RFC1: variants seen among roughly 807,000 people sequenced by gnomAD.
RFC1 encodes replication factor C subunit 1, also known as A1 140 kDa subunit.
In RFC1, 37 loss-of-function variants were observed where a neutral mutation model predicts 137.4. That is an observed-to-expected ratio of 0.27 (90% confidence interval 0.21 to 0.35). RFC1 has a LOEUF of 0.35. RFC1 is among the 10% of genes least tolerant of loss of function. The pLI, the probability that RFC1 is intolerant of heterozygous loss-of-function variation, is 1.00. For missense variants in RFC1, 1,205 were observed against 1,358.5 expected (o/e 0.89, Z 1.78); for synonymous variants, 429 against 455.7 (o/e 0.94, Z 0.75).
At chr4:39,365,327 A>G in intron 1 of RFC1, 21 of 230,386 alleles carry the variant, frequency 9.1e-5, no homozygotes, top group South Asian at 3.7e-4. Flanking sequence ...CCCCCCCCAG[A>G]ATGTTGTCAC....
At chr4:39,349,580 C>T (rs1741081349) in intron 2 of RFC1, among the ~76,000 whole-genome samples, 1 of 152,170 alleles carries the variant, frequency 6.6e-6, no homozygotes, top group African/African-American at 2.4e-5. Flanking sequence ...TCAGCCAGTA[C>T]CATCTATTTT....
chr4:39,304,508 T>C (rs1738531473), intron 15 of RFC1, among the ~76,000 whole-genome samples: 1 of 152,236 alleles, frequency 6.6e-6, no homozygotes, highest in African/African-American at 2.4e-5. Context: ...TAAGTCACAC[T>C]GCATTACACA....
In RFC1 at chr4:39,320,507, C is replaced by T. The variant is rs1181661083; in HGVS notation, c.971G>A (p.Arg324Lys). 1.2e-6 allele frequency: 2 copies of T among 1,611,302 alleles called. No homozygotes were observed. Among genetic ancestry groups the T allele is most frequent in the East Asian group, 4.5e-5 (2 of 44,828 alleles). Residue 324 changes from arginine (R) to lysine (K), a missense_variant, in exon 9 of 25, where the codon AGA becomes AAA. Coordinates refer to ENST00000349703, the MANE Select transcript of RFC1 (RefSeq NM_002913.5). ...KASSKLAIMK[R>K]KEESSYKEIE... ...TTCTTTATAAGAGCTCTCTTCTTTTCTTTTCATAATTGCCAGCTTAGAACT... is the reference window on the plus strand; with the variant it reads ...TTCTTTATAAGAGCTCTCTTCTTTTTTTTTCATAATTGCCAGCTTAGAACT...
intron 4 of RFC1, among the ~76,000 whole-genome samples, chr4:39,334,109 C>G (rs921573309): frequency 3.9e-5 from 6 of 151,934 alleles, no homozygotes; most frequent in African/African-American, 1.5e-4. Context: ...TTAGTGCCCC[C>G]TGATTTGCCA....
chr4:39,357,390 C>T (rs966380602), intron 1 of RFC1, among the ~76,000 whole-genome samples: 1 of 152,118 alleles, frequency 6.6e-6, no homozygotes, highest in African/African-American at 2.4e-5. Context: ...CAGAAGTTTC[C>T]AGGTACCTGA....
At chr4:39,313,099 G>C (rs1739050847) in intron 10 of RFC1, among the ~76,000 whole-genome samples, 168 bp from the exon 11 acceptor site, 1 of 152,190 alleles carries the variant, frequency 6.6e-6, no homozygotes, top group Admixed American at 6.5e-5. Flanking sequence ...CCTGAAATTA[G>C]ATCCTAAGAA....
intron 5 of RFC1, 139 bp from the exon 6 acceptor site, chr4:39,326,779 C>A: frequency 1.6e-6 from 1 of 624,456 alleles, no homozygotes. Context: ...GTACACCAGC[C>A]AGAAAGTCAA....
chr4:39,303,152 C>G lies in RFC1; in HGVS notation c.2111-1G>C, dbSNP rs533164456. The G allele has an allele frequency of 1.5e-4, 235 of 1,610,284 alleles. 4 individuals carry two copies. In the South Asian group the frequency reaches 2.5e-3, roughly 17 times the overall value. On this transcript the variant is annotated splice_acceptor_variant, in intron 15 of 24. Transcript: ENST00000349703. LOFTEE classifies it high-confidence loss of function. Reference sequence around the variant, plus strand: ...GTGCTTACTGAAGAGGCTGCTCCATCTGACCCAGGTTGAGGAGCAATGGGA... The same window carrying G: ...GTGCTTACTGAAGAGGCTGCTCCATGTGACCCAGGTTGAGGAGCAATGGGA...
chr4:39,323,168 T>A (rs2109675100), intron 7 of RFC1, 172 bp downstream of exon 7: 1 of 431,188 alleles, frequency 2.3e-6, no homozygotes, highest in East Asian at 3.5e-5. Context: ...CCGTCACCCT[T>A]CTTTTAAGAA....
Position 39,345,429 on chromosome 4 carries a change from G to C in RFC1, c.180C>G (p.Ser60Arg). The change falls in exon 3 of 25, where the codon AGC becomes AGG. Residue 60 changes from serine (S) to arginine (R), a missense_variant. Coordinates refer to ENST00000349703, the MANE Select transcript of RFC1 (RefSeq NM_002913.5). ...AATCATAGATGATCCTCTTTTTCTT[G>C]CTTGGTTGCTTTTGTTTGAAGTCAT... ...KEDDFKQKQP[S>R]KKKRIIYDSD... The C allele has an allele frequency of 6.2e-7, 1 of 1,613,740 alleles. No individual in the cohort carries two copies. The highest frequency in any genetic ancestry group is 1.3e-5 in the African/African-American group (1 of 75,020).
Position 39,300,086 on chromosome 4 carries a change from A to C in RFC1, c.2743T>G (p.Cys915Gly). 3.1e-6 allele frequency: 5 copies of C among 1,614,156 alleles called. No individual in the cohort carries two copies. Among genetic ancestry groups the C allele is most frequent in the Non-Finnish European group, 4.2e-6 (5 of 1,180,022 alleles). The change falls in exon 21 of 25, where the codon TGC (cysteine) becomes GGC (glycine). Residue 915 changes from cysteine (C) to glycine (G), a missense_variant. Cys to Gly is a radical substitution (Grantham distance 159). This residue lies in a region of RFC1 where 237 missense variants were observed against 304.2 expected (regional missense o/e 0.78). Transcript: ENST00000349703. ...TGGCTGTCCACTAGGTCACCATCGC[A>C]TATGCTGTCTGCTGCTCTGCTTAAA... ...MLLSRAADSI[C>G]DGDLVDSQIR...
At chr4:39,365,550 G>A (rs1339326203) in intron 1 of RFC1, 3 of 946,310 alleles carry the variant, frequency 3.2e-6, no homozygotes, top group Non-Finnish European at 3.8e-6. Flanking sequence ...GTGAGGCTTG[G>A]GTTTTTTTCA....
At chr4:39,304,991 GA>G in intron 14 of RFC1, 63 bp from the exon 15 acceptor site, 1 of 909,184 alleles carries the variant, frequency 1.1e-6, no homozygotes, top group South Asian at 1.3e-5. Flanking sequence ...CCCCCGCCAA[GA>G]AAGGCCAGTT....
chr4:39,348,439 GAAA>G, intron 2 of RFC1, among the ~76,000 whole-genome samples: 2 of 107,624 alleles, frequency 1.9e-5, no homozygotes, highest in East Asian at 5.7e-4. Context: ...GAAAAGAAAA[GAAA>G]AGAAAAGAAA....
At position 39,333,256 on chromosome 4, in the gene RFC1, G is replaced by A. The variant is rs1228485890; in HGVS notation, c.332-5500C>T. Among the ~76,000 whole-genome samples, 4 of 152,052 alleles carry A rather than the reference G, an allele frequency of 2.6e-5. 1 individual carries two copies. The South Asian group carries it at 6.2e-4, about 24-fold the overall frequency. ...TATTATACACAATATTGGTAAAAATGTGATGAGTTTGTACTAATAAAAACA... is the reference window on the plus strand; with the variant it reads ...TATTATACACAATATTGGTAAAAATATGATGAGTTTGTACTAATAAAAACA... On this transcript the variant is annotated intron_variant, in intron 4 of 24. Coordinates refer to ENST00000349703, the MANE Select transcript of RFC1 (RefSeq NM_002913.5).
chr4:39,304,212 T>C (rs758181718), intron 15 of RFC1, among the ~76,000 whole-genome samples: 9 of 152,204 alleles, frequency 5.9e-5, no homozygotes, highest in East Asian at 1.9e-4. Flanking sequence ...AACTTGAGCA[T>C]CTTATTTTCC....
chr4:39,305,041 T>C (rs556286879), intron 14 of RFC1, 113 bp from the exon 15 acceptor site: 201 of 721,368 alleles, frequency 2.8e-4, no homozygotes, highest in Middle Eastern at 2.0e-3. Flanking sequence ...TAAAAACCCA[T>C]AGGTAAAGTA....
Position 39,291,819 on chromosome 4 carries a change from A to T in RFC1, c.2988T>A (p.Asp996Glu). ...GTGCATCCCTTAGAAGCGACAGATA[A>T]TCCATGTTTACAGTCCTTTTGCTGG... ...TYSSKRTVNM[D>E]YLSLLRDALV... Residue 996 changes from aspartate to glutamate, a missense_variant, in exon 23 of 25, where the codon GAT becomes GAA. By Grantham distance (45) the Asp-to-Glu change is conservative (BLOSUM62 2). This residue lies in a region of RFC1 where 237 missense variants were observed against 304.2 expected (regional missense o/e 0.78). Coordinates refer to ENST00000349703, the MANE Select transcript of RFC1 (RefSeq NM_002913.5). 1 of 1,614,154 alleles carries T rather than the reference A, an allele frequency of 6.2e-7. No homozygotes were observed. The highest frequency in any genetic ancestry group is 8.5e-7 in the Non-Finnish European group (1 of 1,179,996).
chr4:39,352,459 T>C (rs930656661), intron 1 of RFC1, among the ~76,000 whole-genome samples: 14 of 152,182 alleles, frequency 9.2e-5, no homozygotes, highest in Admixed American at 6.5e-4. Context: ...CTTCCCCACC[T>C]CTCTAAAATT....
Sources: allele counts gnomAD v4.1 joint callset (sites outside exome capture counted in the v4.1 genomes callset), GRCh38; gene constraint gnomAD v4.1.1; regional missense constraint gnomAD v4.1.1; transcripts MANE v1.5; gene names NCBI Gene and HGNC (gene_info 2026-07-23, HGNC 2026-07-21).